The following NTRK1 variants were observed in gnomAD, a reference collection of about 807,000 sequenced individuals.
NTRK1 encodes the protein high affinity nerve growth factor receptor.
A neutral mutation model predicts 86.8 loss-of-function variants in NTRK1; 62 were observed. The observed-to-expected ratio is 0.71, with a 90% CI of 0.58 to 0.88. The LOEUF (loss-of-function observed/expected upper bound fraction) is 0.88. Among genes scored for constraint, NTRK1 ranks in the 40% least tolerant of loss-of-function variants. The probability of loss-of-function intolerance (pLI) is 0.00; values close to 1 mark genes in which losing one functional copy is unlikely to be tolerated. For missense variants in NTRK1, 967 were observed against 1,078.4 expected, an observed-to-expected ratio of 0.90 and a Z score of 1.45; for synonymous variants, 469 against 456.6, an observed-to-expected ratio of 1.03 and a Z score of -0.35.
chr1:156,876,576 C>T lies in NTRK1; in HGVS notation c.1805+4C>T, dbSNP rs1176423879. On this transcript the variant is annotated splice_donor_region_variant and intron_variant, in intron 14 of 16. Coordinates refer to ENST00000524377, the MANE Select transcript of NTRK1 (RefSeq NM_002529.4). ...GGGACCTCAACCGCTTCCTCCGGTA[C>T]CAGCACCTGGCCTCAGCGCTGGCCC... 2 of 1,610,718 alleles carry T rather than the reference C, an allele frequency of 1.2e-6. No homozygotes were observed. The highest frequency in any genetic ancestry group is 1.7e-6 in the Non-Finnish European group (2 of 1,179,120).
intron 1 of NTRK1, among the ~76,000 whole-genome samples, chr1:156,827,261 TA>T (rs1654342053): frequency 2.1e-5 from 1 of 47,978 alleles, no homozygotes; most frequent in African/African-American, 1.2e-4. Context: ...TTTATTTTTT[TA>T]TTTTTTTATT....
chr1:156,855,357 C>G (rs961352200), intron 2 of NTRK1, among the ~76,000 whole-genome samples: 7 of 152,180 alleles, frequency 4.6e-5, no homozygotes, highest in African/African-American at 1.7e-4. Flanking sequence ...GTGCCCGCCG[C>G]CATACCCAGC....
At chr1:156,838,600 A>G (rs186622141) in intron 1 of NTRK1, among the ~76,000 whole-genome samples, 91 of 152,064 alleles carry the variant, frequency 6.0e-4, no homozygotes, top group African/African-American at 2.0e-3. Context: ...CTGAAGTCCA[A>G]CCTCCATCTA....
intron 2 of NTRK1, among the ~76,000 whole-genome samples, chr1:156,853,005 GTTTTC>G: frequency 6.6e-6 from 1 of 152,214 alleles, no homozygotes; most frequent in Non-Finnish European, 1.5e-5. Context: ...CCTCTGAAAG[GTTTTC>G]TTTTCCTTTC....
chr1:156,879,853 C>A, intron 15 of NTRK1, 146 bp from the exon 16 acceptor site: 2 of 940,132 alleles, frequency 2.1e-6, no homozygotes, highest in South Asian at 1.5e-5. Flanking sequence ...TCGTGATTGC[C>A]CACCTCGGCC....
intron 1 of NTRK1, among the ~76,000 whole-genome samples, chr1:156,862,610 A>G (rs1655706717): frequency 6.6e-6 from 1 of 151,914 alleles, no homozygotes; most frequent in Non-Finnish European, 1.5e-5. Flanking sequence ...CTGCCTGCAC[A>G]GCCCCCTCCC....
At chr1:156,860,768 G>T (rs1655598929), upstream of NTRK1, 7 of 1,263,604 alleles carry the variant, frequency 5.5e-6, no homozygotes, top group South Asian at 1.0e-4. Flanking sequence ...GTAGGAAGCG[G>T]GTGGAGAAGA....
At chr1:156,870,508 G>T (rs1282849629) in intron 6 of NTRK1, among the ~76,000 whole-genome samples, 1 of 152,202 alleles carries the variant, frequency 6.6e-6, no homozygotes, top group Non-Finnish European at 1.5e-5. Flanking sequence ...GTAGTTGGAG[G>T]GGATGGGACA....
chr1:156,849,030 G>A (rs764095956), intron 2 of NTRK1: 7 of 1,613,420 alleles, frequency 4.3e-6, no homozygotes, highest in Middle Eastern at 1.7e-4. Context: ...GACACGAAGC[G>A]CAGGGTGCGA....
At chr1:156,849,348 G>A (rs1221728231) in intron 2 of NTRK1, 2 of 1,613,866 alleles carry the variant, frequency 1.2e-6, no homozygotes, top group Non-Finnish European at 1.7e-6. Flanking sequence ...TCCAAGCAGA[G>A]GCGCGGGTTG....
Position 156,874,612 on chromosome 1 carries a change from G to A in NTRK1, c.1237G>A (p.Glu413Lys), listed in dbSNP as rs199826686. ...TSGDPVEKKD[E>K]TPFGVSVAVG... is the part of the protein sequence containing the mutation. ...TGGAGACCCGGTGGAGAAGAAGGAC[G>A]AAACACCTTTTGGGGTGAGATAGGA... Residue 413 changes from glutamate (E) to lysine (K), a missense_variant, in exon 10 of 17, where the codon GAA becomes AAA. Physicochemically the swap from Glu to Lys is moderately conservative, Grantham distance 56. This residue lies in a region of NTRK1 where 637 missense variants were observed against 776.5 expected (regional missense o/e 0.82). Transcript: ENST00000524377. 1.2e-6 allele frequency: 2 copies of A among 1,613,946 alleles called. No homozygotes were observed. Among genetic ancestry groups the A allele is most frequent in the Non-Finnish European group, 1.7e-6 (2 of 1,179,914 alleles).
rs1188603301 is a variant in NTRK1, at chr1:156,842,081, GC to G, written c.-61del. ...TTAAGGGAGTCTCTCTACTTTTCAG[GC>G]CGCCCTCATCTGCCTGGCACCCTCT... is the stretch of plus-strand genomic sequence containing the variant. On this transcript the variant is annotated splice_region_variant and 5_prime_UTR_variant, in exon 2 of 17. Coordinates refer to the NTRK1 transcript ENST00000392302. 4 of 1,613,130 alleles carry G rather than the reference GC, an allele frequency of 2.5e-6. No homozygotes were observed. The Admixed American group carries it at 6.7e-5, about 27-fold the overall frequency.
intron 2 of NTRK1, chr1:156,852,106 T>G (rs372248144): frequency 8.1e-6 from 13 of 1,613,576 alleles, no homozygotes; most frequent in African/African-American, 1.3e-5. Flanking sequence ...CACGAGGGTC[T>G]TCTGGCTGGC....
rs1363188047 is a variant in NTRK1, at chr1:156,865,053, GC to G, written c.359+257del. On this transcript the variant is annotated intron_variant, in intron 3 of 16. Transcript: ENST00000524377. ...GCAAGGACACTTCTCATAGGTGCCT[GC>G]CCTATCTTTCTTCCCAGGGCTCAGA... is the stretch of plus-strand genomic sequence containing the variant. 5 of 556,880 alleles carry G rather than the reference GC, an allele frequency of 9.0e-6. No homozygotes were observed. In the Admixed American group the frequency reaches 1.4e-4, roughly 16 times the overall value. The allele number at this position is 556,880 out of a possible 1,614,324, so 34.5% of individuals were successfully genotyped here.
At chr1:156,851,206 A>G (rs1210199644) in intron 2 of NTRK1, 2 of 1,549,890 alleles carry the variant, frequency 1.3e-6, no homozygotes. Flanking sequence ...AATTGGTTCC[A>G]GAGCCCATTC....
intron 1 of NTRK1, chr1:156,815,911 T>A (rs1045378275): frequency 6.2e-7 from 1 of 1,611,798 alleles, no homozygotes; most frequent in Non-Finnish European, 8.5e-7. Flanking sequence ...TGCCTTCTCT[T>A]GGAGTGGCCT....
intron 1 of NTRK1, among the ~76,000 whole-genome samples, chr1:156,829,050 G>A (rs1571644357): frequency 6.6e-6 from 1 of 152,248 alleles, no homozygotes; most frequent in African/African-American, 2.4e-5. Context: ...CAAACAAGAT[G>A]TGCGCAGCCT....
chr1:156,815,981 G>A (rs760259992), intron 1 of NTRK1: 12 of 1,611,266 alleles, frequency 7.4e-6, no homozygotes, highest in Non-Finnish European at 1.0e-5. Flanking sequence ...GCTGCACCAC[G>A]CTGCCGCCCC....
chr1:156,836,732 GCTGAATGAGGAGCATATTTCACAGGA>G (rs869285511), intron 1 of NTRK1, among the ~76,000 whole-genome samples: 38 of 140,794 alleles, frequency 2.7e-4, no homozygotes, highest in East Asian at 8.0e-4. Flanking sequence ...CCTTCACAGG[GCTGAATGAGGAGCATATTTCACAGGA>G]CTGAATGAGG....
Sources: allele counts gnomAD v4.1 joint callset (sites outside exome capture counted in the v4.1 genomes callset), GRCh38; gene constraint gnomAD v4.1.1; regional missense constraint gnomAD v4.1.1; transcripts MANE v1.5; gene names NCBI Gene and HGNC (gene_info 2026-07-23, HGNC 2026-07-21).